The following METTL4 variants were observed in gnomAD, a reference collection of about 807,000 sequenced individuals.
The protein encoded by METTL4 is N(6)-adenine-specific methyltransferase METTL4.
A neutral mutation model predicts 54.0 loss-of-function variants in METTL4; 40 were observed. The observed-to-expected ratio is 0.74, with a 90% CI of 0.58 to 0.96. The LOEUF is 0.96. Among genes scored for constraint, METTL4 ranks in the 50% least tolerant of loss-of-function variants. The probability of loss-of-function intolerance (pLI) is 0.00; values close to 1 mark genes in which losing one functional copy is unlikely to be tolerated. For missense variants in METTL4, 525 were observed against 549.0 expected (o/e 0.96, Z 0.44); for synonymous variants, 169 against 183.8 (o/e 0.92, Z 0.65).
At chr18:2,566,060 AAT>A (rs3064110) in intron 2 of METTL4, among the ~76,000 whole-genome samples, 1 of 146,624 alleles carries the variant, frequency 6.8e-6, no homozygotes, top group African/African-American at 2.5e-5. Context: ...TAAATAAATA[AAT>A]AAATAAATAA....
intron 5 of METTL4, among the ~76,000 whole-genome samples, chr18:2,549,035 C>T (rs2644177): frequency 0.91 from 138,310 of 152,232 alleles, 63,475 homozygotes; most frequent in East Asian, 1. Context: ...CCTCACCACT[C>T]TTCAGATCCC....
intron 6 of METTL4, among the ~76,000 whole-genome samples, chr18:2,546,422 TG>T (rs768496225): frequency 3.9e-5 from 6 of 152,108 alleles, no homozygotes; most frequent in Non-Finnish European, 8.8e-5. Context: ...AAATTATATA[TG>T]GGGTTCAGTA....
intron 4 of METTL4, 88 bp from the exon 5 acceptor site, chr18:2,552,852 C>T: frequency 1.3e-6 from 1 of 781,522 alleles, no homozygotes; most frequent in South Asian, 1.6e-5. Flanking sequence ...CAAGTGATTT[C>T]ACTACGGACA....
At chr18:2,567,851 G>A (rs1031967929) in intron 1 of METTL4, among the ~76,000 whole-genome samples, 197 bp from the exon 2 acceptor site, 1 of 152,150 alleles carries the variant, frequency 6.6e-6, no homozygotes, top group Admixed American at 6.5e-5. Flanking sequence ...TACCAATGGA[G>A]TAATAAGGTA....
chr18:2,564,953 T>G (rs2143586327), intron 2 of METTL4, among the ~76,000 whole-genome samples: 1 of 152,330 alleles, frequency 6.6e-6, no homozygotes, highest in Non-Finnish European at 1.5e-5. Flanking sequence ...TTTTCTTTTC[T>G]GTGTGTGACA....
intron 6 of METTL4, among the ~76,000 whole-genome samples, chr18:2,545,460 T>C (rs1598343317): frequency 6.6e-6 from 1 of 152,094 alleles, no homozygotes; most frequent in Admixed American, 6.5e-5. Context: ...AAGTGGGTGG[T>C]TGATAGACAA....
intron 8 of METTL4, chr18:2,540,778 T>C: frequency 1.0e-6 from 1 of 985,470 alleles, no homozygotes; most frequent in Non-Finnish European, 1.2e-6. Flanking sequence ...TTCACTTTAA[T>C]GTGGTCTCAG....
intron 8 of METTL4, among the ~76,000 whole-genome samples, chr18:2,539,469 C>CTTTA (rs138140307): frequency 0.62 from 86,018 of 139,572 alleles, 26,884 homozygotes; most frequent in East Asian, 0.71. Context: ...TGAGTATTAA[C>CTTTA]TTTATTTATT....
intron 8 of METTL4, chr18:2,540,202 T>C (rs1328289625): frequency 1.0e-6 from 1 of 985,152 alleles, no homozygotes. Context: ...AAAGCACATG[T>C]TCACTCAATT....
At position 2,547,416 on chromosome 18, in the gene METTL4, A is replaced by ATT; in HGVS notation, c.1012_1013insAA (p.Ile338LysfsTer2). On this transcript the variant is annotated frameshift_variant, in exon 6 of 9. Transcript: ENST00000574538. LOFTEE classifies it high-confidence loss of function. ...CCAAGAGGGATAAAGTTCTTCCTTT[A>ATT]TAAAACGTAGGTGCTTCTGTCTATT... The ATT allele has an allele frequency of 6.2e-7, 1 of 1,611,540 alleles. No homozygotes were observed. The highest frequency in any genetic ancestry group is 8.5e-7 in the Non-Finnish European group (1 of 1,178,790).
intron 3 of METTL4, among the ~76,000 whole-genome samples, chr18:2,562,694 C>T (rs2072339756): frequency 1.3e-5 from 2 of 151,308 alleles, no homozygotes; most frequent in Non-Finnish European, 2.9e-5. Flanking sequence ...TGTATGATTC[C>T]ACTTATATGA....
chr18:2,542,666 G>A (rs2072010530), intron 8 of METTL4, among the ~76,000 whole-genome samples: 1 of 151,568 alleles, frequency 6.6e-6, no homozygotes, highest in South Asian at 2.1e-4. Context: ...TTTTTTTCAT[G>A]AGGAACAATG....
At chr18:2,565,419 G>C (rs2072392180) in intron 2 of METTL4, among the ~76,000 whole-genome samples, 1 of 151,840 alleles carries the variant, frequency 6.6e-6, no homozygotes, top group South Asian at 2.1e-4. Flanking sequence ...TTAATACCTG[G>C]GTGATGAAAT....
At chr18:2,550,110 C>G (rs970258416) in intron 5 of METTL4, among the ~76,000 whole-genome samples, 9 of 152,184 alleles carry the variant, frequency 5.9e-5, no homozygotes, top group African/African-American at 2.2e-4. Flanking sequence ...TAGTATTTCT[C>G]ATAATCGAAG....
At chr18:2,569,380 A>G (rs2072468231) in intron 1 of METTL4, among the ~76,000 whole-genome samples, 1 of 152,176 alleles carries the variant, frequency 6.6e-6, no homozygotes, top group African/African-American at 2.4e-5. Flanking sequence ...ATTGATTCCC[A>G]TCATAACTGG....
rs151039974 is a variant in METTL4, at chr18:2,570,009, C to T, written c.-439+1140G>A. Among the ~76,000 whole-genome samples, 1,042 of 152,258 alleles carry T rather than the reference C, an allele frequency of 6.8e-3. 11 individuals are homozygous for T. The highest frequency in any genetic ancestry group is 0.023 in the African/African-American group (947 of 41,528). On this transcript the variant is annotated intron_variant, in intron 1 of 8. Coordinates refer to ENST00000574538, the MANE Select transcript of METTL4 (RefSeq NM_022840.5). The stretch of plus-strand genomic sequence containing the variant: ...AGTCACCAGGGTTATTCAGACACCC[C>T]GGCTGTCAGGGTCCTTGGTGGTTAA...
At chr18:2,542,456 T>A (rs1448751444) in intron 8 of METTL4, among the ~76,000 whole-genome samples, 2 of 151,218 alleles carry the variant, frequency 1.3e-5, no homozygotes, top group African/African-American at 4.9e-5. Context: ...AAATATAACT[T>A]TATTTTATTT....
intron 3 of METTL4, 56 bp from the exon 4 acceptor site, chr18:2,555,094 A>G (rs2072220464): frequency 3.9e-6 from 6 of 1,528,710 alleles, no homozygotes; most frequent in African/African-American, 2.8e-5. Flanking sequence ...AAGAACATTG[A>G]CTGTGCTTTG....
chr18:2,546,712 T>A (rs1440558355), intron 6 of METTL4, among the ~76,000 whole-genome samples: 1 of 152,162 alleles, frequency 6.6e-6, no homozygotes, highest in Non-Finnish European at 1.5e-5. Flanking sequence ...CCTGATGAAC[T>A]CTAAATTGAT....
Sources: allele counts gnomAD v4.1 joint callset (sites outside exome capture counted in the v4.1 genomes callset), GRCh38; gene constraint gnomAD v4.1.1; transcripts MANE v1.5; gene names NCBI Gene and HGNC (gene_info 2026-07-23, HGNC 2026-07-21).